The following NEGR1 variants were observed in gnomAD, a reference collection of about 807,000 sequenced individuals.
NEGR1 encodes the protein neuronal growth regulator 1.
In NEGR1, 10 loss-of-function variants were observed where a neutral mutation model predicts 40.9. The observed-to-expected ratio is 0.24, with a 90% CI of 0.15 to 0.42. NEGR1 has a LOEUF of 0.42. NEGR1 is among the 10% of genes least tolerant of loss of function. NEGR1 has a pLI of 1.00. For synonymous variants in NEGR1, 185 were observed against 166.8 expected (o/e 1.11, Z -0.84); for missense variants, 352 against 438.9 (o/e 0.80, Z 1.77).
intron 1 of NEGR1, among the ~76,000 whole-genome samples, chr1:72,150,243 A>G (rs925849080): frequency 2.0e-5 from 3 of 152,136 alleles, no homozygotes; most frequent in African/African-American, 7.2e-5. Context: ...TCAAACTACA[A>G]ATATACTATG....
At chr1:71,422,194 T>C (rs1305678109) in intron 6 of NEGR1, among the ~76,000 whole-genome samples, 1 of 152,202 alleles carries the variant, frequency 6.6e-6, no homozygotes, top group Admixed American at 6.5e-5. Context: ...AGCCACATTC[T>C]TGTTTATTAC....
chr1:71,540,541 G>T (rs1647656610), intron 6 of NEGR1, among the ~76,000 whole-genome samples: 1 of 151,676 alleles, frequency 6.6e-6, no homozygotes, highest in South Asian at 2.1e-4. Context: ...GTTTTGGCTG[G>T]AGTATTGACA....
chr1:71,566,700 C>G (rs906290363), intron 6 of NEGR1, among the ~76,000 whole-genome samples: 3 of 152,100 alleles, frequency 2.0e-5, no homozygotes, highest in Admixed American at 6.5e-5. Flanking sequence ...CATTTCTGAT[C>G]ATGTCATTAT....
intron 1 of NEGR1, among the ~76,000 whole-genome samples, chr1:72,059,043 G>C (rs1332235549): frequency 6.6e-6 from 1 of 151,560 alleles, no homozygotes. Context: ...CTAGAACCTT[G>C]TCTTTCAGAT....
intron 1 of NEGR1, among the ~76,000 whole-genome samples, chr1:72,119,739 T>C (rs761836275): frequency 2.6e-5 from 4 of 151,950 alleles, no homozygotes; most frequent in Admixed American, 6.6e-5. Flanking sequence ...GTGGATACTG[T>C]TAAATGTCCC....
chr1:72,124,556 G>A (rs1379729083), intron 1 of NEGR1, among the ~76,000 whole-genome samples: 1 of 152,018 alleles, frequency 6.6e-6, no homozygotes, highest in Non-Finnish European at 1.5e-5. Context: ...GGAAAGCAAA[G>A]ACCAAATGGC....
intron 4 of NEGR1, among the ~76,000 whole-genome samples, chr1:71,665,944 C>T (rs905503873): frequency 2.6e-5 from 4 of 152,056 alleles, no homozygotes; most frequent in African/African-American, 9.7e-5. Flanking sequence ...AGGACTCATT[C>T]ATTTCTTAAA....
chr1:72,227,137 C>G (rs928430937), intron 1 of NEGR1, among the ~76,000 whole-genome samples: 4 of 151,988 alleles, frequency 2.6e-5, no homozygotes, highest in African/African-American at 9.7e-5. Context: ...TTTGAATCCA[C>G]AAAAAATGAG....
chr1:71,581,309 T>C (rs529723192), intron 6 of NEGR1, among the ~76,000 whole-genome samples: 1 of 152,234 alleles, frequency 6.6e-6, no homozygotes, highest in South Asian at 2.1e-4. Context: ...AAGAAAATGA[T>C]GAAGTGAATA....
intron 1 of NEGR1, among the ~76,000 whole-genome samples, chr1:71,986,599 G>A (rs1182807374): frequency 6.6e-6 from 1 of 152,180 alleles, no homozygotes; most frequent in Non-Finnish European, 1.5e-5. Flanking sequence ...AACATGCAGA[G>A]GGTCCCCATG....
intron 2 of NEGR1, among the ~76,000 whole-genome samples, chr1:71,866,522 G>A (rs775511860): frequency 2.0e-4 from 30 of 152,130 alleles, no homozygotes; most frequent in African/African-American, 2.4e-4. Flanking sequence ...AAATAATGAC[G>A]TAAATATCTG....
intron 6 of NEGR1, among the ~76,000 whole-genome samples, chr1:71,445,957 T>C (rs1484581109): frequency 2.0e-5 from 3 of 152,238 alleles, no homozygotes; most frequent in African/African-American, 7.2e-5. Context: ...CATGTCTTTA[T>C]GTTCAAATTC....
At chr1:71,759,899 G>T in intron 3 of NEGR1, among the ~76,000 whole-genome samples, 1 of 151,942 alleles carries the variant, frequency 6.6e-6, no homozygotes, top group East Asian at 1.9e-4. Flanking sequence ...ATGAACCACC[G>T]TGGCTGGCCC....
At chr1:71,869,883 CTTT>C (rs140029802) in intron 2 of NEGR1, among the ~76,000 whole-genome samples, 4 of 136,046 alleles carry the variant, frequency 2.9e-5, no homozygotes, top group Non-Finnish European at 3.2e-5. Context: ...TTCTTTCTTT[CTTT>C]TTTTTTTTTT....
chr1:71,596,354 G>C (rs1404810162), intron 5 of NEGR1, among the ~76,000 whole-genome samples: 1 of 152,164 alleles, frequency 6.6e-6, no homozygotes, highest in Non-Finnish European at 1.5e-5. Context: ...TATTTGCTTT[G>C]CTAGCCAAGG....
intron 4 of NEGR1, among the ~76,000 whole-genome samples, chr1:71,636,993 A>G (rs597398): frequency 0.46 from 70,407 of 151,814 alleles, 16,499 homozygotes; most frequent in East Asian, 0.67. Context: ...TAGTATGAAA[A>G]GACAATTTAT....
intron 1 of NEGR1, among the ~76,000 whole-genome samples, chr1:72,051,172 T>C (rs1017374469): frequency 3.3e-5 from 5 of 151,496 alleles, no homozygotes; most frequent in African/African-American, 1.2e-4. Flanking sequence ...TTCAGAGACA[T>C]ATAATTAGTG....
intron 2 of NEGR1, among the ~76,000 whole-genome samples, chr1:71,827,446 G>A (rs547729278): frequency 3.4e-4 from 52 of 151,600 alleles, no homozygotes; most frequent in Non-Finnish European, 7.2e-4. Flanking sequence ...GCTGACTCTC[G>A]GTAGATAATC....
chr1:72,082,091 T>C (rs1275794431), intron 1 of NEGR1, among the ~76,000 whole-genome samples: 2 of 152,148 alleles, frequency 1.3e-5, no homozygotes, highest in African/African-American at 4.8e-5. Flanking sequence ...CATCCTATGA[T>C]TGTGGAAATA....
Sources: allele counts gnomAD v4.1 joint callset (sites outside exome capture counted in the v4.1 genomes callset), GRCh38; gene constraint gnomAD v4.1.1; transcripts MANE v1.5; gene names NCBI Gene and HGNC (gene_info 2026-07-23, HGNC 2026-07-21).